Variants in ABCA8 observed in about 807,000 individuals in gnomAD.
The protein encoded by ABCA8 is ATP binding cassette subfamily A member 8.
In ABCA8, 177 loss-of-function variants were observed where a neutral mutation model predicts 192.3. The ratio of observed to expected loss-of-function variants is 0.92; its 90% confidence interval spans 0.81 to 1.04. The LOEUF (loss-of-function observed/expected upper bound fraction) is 1.04. ABCA8 is among the 50% of genes least tolerant of loss of function. The pLI, the probability that ABCA8 is intolerant of heterozygous loss-of-function variation, is 0.00. For missense variants in ABCA8, 1,915 were observed against 1,904.8 expected (o/e 1.01, Z -0.10); for synonymous variants, 642 against 690.2 (o/e 0.93, Z 1.09).
intron 1 of ABCA8, among the ~76,000 whole-genome samples, chr17:68,952,363 C>T (rs1008314375): frequency 1.2e-4 from 19 of 152,058 alleles, no homozygotes; most frequent in African/African-American, 3.6e-4. Flanking sequence ...GGATTACAAG[C>T]GCCCGCCACC....
intron 24 of ABCA8, among the ~76,000 whole-genome samples, chr17:68,889,586 A>T (rs2066576450): frequency 6.6e-6 from 1 of 152,088 alleles, no homozygotes; most frequent in African/African-American, 2.4e-5. Flanking sequence ...ACCCATACTA[A>T]GTATATAGCT....
intron 1 of ABCA8, among the ~76,000 whole-genome samples, chr17:68,952,988 T>C (rs376330247): frequency 5.9e-5 from 9 of 152,316 alleles, no homozygotes; most frequent in African/African-American, 1.7e-4. Context: ...CAGAAGAAGA[T>C]AATTCAGTGC....
intron 2 of ABCA8, among the ~76,000 whole-genome samples, chr17:68,944,175 G>A (rs1278857131): frequency 6.6e-6 from 1 of 151,018 alleles, no homozygotes; most frequent in Non-Finnish European, 1.5e-5. Flanking sequence ...GAAAGGGAAG[G>A]GAGAGCATTA....
At chr17:68,891,424 A>T (rs555755437) in intron 24 of ABCA8, 65 bp downstream of exon 24, 1 of 1,149,112 alleles carries the variant, frequency 8.7e-7, no homozygotes, top group African/African-American at 1.5e-5. Context: ...CTTATGAAAA[A>T]TTGTAAAATT....
chr17:68,924,628 A>C (rs2067645418), intron 11 of ABCA8, 73 bp downstream of exon 11: 1 of 1,511,108 alleles, frequency 6.6e-7, no homozygotes, highest in African/African-American at 1.4e-5. Context: ...ACAAAAGGGA[A>C]CACTGCTTGC....
chr17:68,918,698 C>T (rs2067452124), intron 14 of ABCA8, among the ~76,000 whole-genome samples, 152 bp from the exon 15 acceptor site: 1 of 152,102 alleles, frequency 6.6e-6, no homozygotes, highest in Non-Finnish European at 1.5e-5. Flanking sequence ...CTTTGGGAGG[C>T]TGAGGCGGGC....
rs767106639 is a variant in ABCA8, at chr17:68,921,473, G to A, written c.1521C>T (p.Tyr507=). The change falls in exon 13 of 40, where the codon TAC becomes TAT. Residue 507 remains tyrosine (Y), a synonymous_variant. Transcript: ENST00000586539. ...EALKDLVFDI[Y]EGQITAILGH... ...CAAGTATTGCAGTGATTTGGCCTTC[G>A]TAAATGTCAAATACCAGATCTAGGA... is the stretch of plus-strand genomic sequence containing the variant. 2.5e-6 allele frequency: 4 copies of A among 1,599,682 alleles called. No individual in the cohort carries two copies. The highest frequency in any genetic ancestry group is 3.4e-6 in the Non-Finnish European group (4 of 1,170,840).
intron 32 of ABCA8, 49 bp downstream of exon 32, chr17:68,881,071 T>C (rs769404618): frequency 3.1e-6 from 4 of 1,285,046 alleles, no homozygotes; most frequent in Non-Finnish European, 4.5e-6. Flanking sequence ...TCAAATCTTA[T>C]CAATCTATTT....
intron 21 of ABCA8, among the ~76,000 whole-genome samples, chr17:68,897,784 G>C (rs562256445): frequency 4.6e-5 from 7 of 152,106 alleles, no homozygotes; most frequent in Admixed American, 6.5e-5. Context: ...CAGACCTGAA[G>C]ATATATTAAA....
intron 24 of ABCA8, 78 bp from the exon 25 acceptor site, chr17:68,887,584 C>A: frequency 8.5e-7 from 1 of 1,175,246 alleles, no homozygotes; most frequent in Non-Finnish European, 1.2e-6. Flanking sequence ...TCAAACAAAA[C>A]CTTTATTTGT....
At chr17:68,871,493 A>G (rs1055328778) in intron 37 of ABCA8, among the ~76,000 whole-genome samples, 2 of 152,216 alleles carry the variant, frequency 1.3e-5, no homozygotes, top group East Asian at 3.8e-4. Context: ...CATTTCCCTG[A>G]TGACTAATGA....
Position 68,907,930 on chromosome 17 carries a change from A to G in ABCA8, c.2139-51T>C, listed in dbSNP as rs780183501. 3.4e-6 allele frequency: 5 copies of G among 1,473,588 alleles called. No individual in the cohort carries two copies. In the Admixed American group the frequency reaches 1.2e-4, roughly 36 times the overall value. The allele number at this position is 1,473,588 out of a possible 1,614,324, so 91.3% of individuals were successfully genotyped here. ...ACATATGTTACTCGACATAGTCTCC[A>G]ATAGCAAGAAAATAATTAACTAGTC... On this transcript the variant is annotated intron_variant, in intron 17 of 39. Transcript: ENST00000586539.
chr17:68,950,654 T>A (rs1488919768), intron 1 of ABCA8, among the ~76,000 whole-genome samples: 1 of 152,226 alleles, frequency 6.6e-6, no homozygotes, highest in Non-Finnish European at 1.5e-5. Context: ...TTTTCTAATT[T>A]ATTAATTTAT....
chr17:68,874,529 G>A (rs1421831870), intron 37 of ABCA8, among the ~76,000 whole-genome samples: 5 of 152,064 alleles, frequency 3.3e-5, no homozygotes, highest in South Asian at 2.1e-4. Context: ...CACCTATTTC[G>A]CTTATTCCCT....
Position 68,936,889 on chromosome 17 carries a change from C to T in ABCA8, c.466+62G>A, listed in dbSNP as rs372420541. 6.4e-6 allele frequency: 9 copies of T among 1,407,594 alleles called. No individual in the cohort carries two copies. In the African/African-American group the frequency reaches 1.2e-4, roughly 18 times the overall value. 87.2% of individuals were successfully genotyped at this position (1,407,594 alleles called of 1,614,324 possible). On this transcript the variant is annotated intron_variant, in intron 5 of 39. Transcript: ENST00000586539. ...AATTTGGCATACTAACCTCTATTCC[C>T]ACACATGACTTATGACATAATTGAA...
rs762125167 is a variant in ABCA8, at chr17:68,903,459, G to A, written c.2439C>T (p.Asp813=). Residue 813 remains aspartate, a synonymous_variant, in exon 20 of 40, where the codon GAC becomes GAT. Transcript: ENST00000586539. ...CCATCTCAACAAGCCTTTCAGTGTC[G>A]TCAGCTTTTTCCGCTTGTACTTCTC... ...ILGEVQAEKA[D]DTERLVEMEQ... 1.7e-5 allele frequency: 28 copies of A among 1,613,862 alleles called. No individual in the cohort carries two copies. The highest frequency in any genetic ancestry group is 2.1e-5 in the Non-Finnish European group (25 of 1,180,008).
At position 68,887,908 on chromosome 17, in the gene ABCA8, C is replaced by G. The variant is rs5007933; in HGVS notation, c.3145-402G>C. Among the ~76,000 whole-genome samples, 273 of 36,010 alleles carry G rather than the reference C, an allele frequency of 7.6e-3. 9 individuals are homozygous for G. The highest frequency in any genetic ancestry group is 0.014 in the Admixed American group (51 of 3,650). The allele number at this position is 36,010 out of a possible 152,430, so 23.6% of individuals were successfully genotyped here. On this transcript the variant is annotated intron_variant, in intron 24 of 39. Coordinates refer to ENST00000586539, the MANE Select transcript of ABCA8 (RefSeq NM_001288985.2). The stretch of plus-strand genomic sequence containing the variant: ...TATATATATATATATATATATATAT[C>G]CATATATATATATATATTATATATG...
chr17:68,918,957 A>G (rs1182407620), intron 14 of ABCA8, among the ~76,000 whole-genome samples: 1 of 149,256 alleles, frequency 6.7e-6, no homozygotes, highest in Non-Finnish European at 1.5e-5. Context: ...AAAAAAAAAG[A>G]ACAAACACTG....
chr17:68,912,484 T>C (rs763843524), intron 17 of ABCA8, among the ~76,000 whole-genome samples: 2 of 151,876 alleles, frequency 1.3e-5, no homozygotes, highest in Non-Finnish European at 2.9e-5. Context: ...ATAAGAGTCA[T>C]TGGCCTTAAG....
Sources: gnomAD v4.1 joint callset for allele counts (sites outside exome capture counted in the v4.1 genomes callset) on GRCh38, gnomAD v4.1.1 for gene constraint, MANE v1.5 for transcripts, NCBI Gene and HGNC (gene_info 2026-07-23, HGNC 2026-07-21) for gene names.